The following AFAP1L2 variants were observed in gnomAD, a reference collection of about 807,000 sequenced individuals.
The protein encoded by AFAP1L2 is actin filament-associated protein 1-like 2.
AFAP1L2 carries 46 observed loss-of-function variants against 99.3 expected under a neutral mutation model. That is an observed-to-expected ratio of 0.46 (90% confidence interval 0.37 to 0.59). The LOEUF is 0.59. AFAP1L2 is among the 20% of genes least tolerant of loss of function. AFAP1L2 has a pLI of 0.00. For synonymous variants in AFAP1L2, 397 were observed against 419.1 expected, an observed-to-expected ratio of 0.95 and a Z score of 0.64; for missense variants, 959 against 1,034.9, an observed-to-expected ratio of 0.93 and a Z score of 1.01.
chr10:114,301,116 C>T (rs764122364), intron 13 of AFAP1L2, among the ~76,000 whole-genome samples: 24 of 152,224 alleles, frequency 1.6e-4, no homozygotes, highest in East Asian at 1.9e-4. Context: ...CTAGCCCTGA[C>T]GAGAGGGGTT....
chr10:114,404,479 G>T lies in AFAP1L2; in HGVS notation c.-24C>A, dbSNP rs550265811. ...ATCGGGGCCACGGAGTGCGCTCCTCGCGGCTCGGCTTCTGCGCTGCTCTCC... is the reference window on the plus strand; with the variant it reads ...ATCGGGGCCACGGAGTGCGCTCCTCTCGGCTCGGCTTCTGCGCTGCTCTCC... On this transcript the variant is annotated 5_prime_UTR_variant, in exon 1 of 19. Transcript: ENST00000304129. 3.8e-5 allele frequency: 58 copies of T among 1,535,734 alleles called. No homozygotes were observed. The East Asian group carries it at 4.2e-4, about 11-fold the overall frequency.
At chr10:114,383,841 GT>G (rs2056075261) in intron 1 of AFAP1L2, among the ~76,000 whole-genome samples, 1 of 152,196 alleles carries the variant, frequency 6.6e-6, no homozygotes, top group East Asian at 1.9e-4. Context: ...CTTGGTGGAA[GT>G]GGGGATTGCC....
the AFAP1L2 span, chr10:114,280,780 C>T: frequency 6.6e-6 from 1 of 152,120 alleles, no homozygotes; most frequent in African/African-American, 2.4e-5. Flanking sequence ...TGCTCTGTCA[C>T]CAGGATGGAG....
intron 7 of AFAP1L2, among the ~76,000 whole-genome samples, chr10:114,312,308 G>A (rs1360988790): frequency 6.6e-6 from 1 of 151,340 alleles, no homozygotes; most frequent in Non-Finnish European, 1.5e-5. Flanking sequence ...ATGCATGCAT[G>A]AGCAAAAATG....
intron 2 of AFAP1L2, among the ~76,000 whole-genome samples, chr10:114,337,604 G>A (rs2048171885): frequency 6.6e-6 from 1 of 152,156 alleles, no homozygotes; most frequent in African/African-American, 2.4e-5. Context: ...CCACGGAGAG[G>A]GGAAGGCCTG....
intron 6 of AFAP1L2, among the ~76,000 whole-genome samples, chr10:114,315,199 G>T (rs1340023110): frequency 6.6e-6 from 1 of 152,058 alleles, no homozygotes; most frequent in East Asian, 1.9e-4. Context: ...CCAGAATTGG[G>T]GCTGGGCTGG....
intron 8 of AFAP1L2, among the ~76,000 whole-genome samples, chr10:114,309,989 G>A (rs1220557384): frequency 6.6e-5 from 10 of 152,000 alleles, no homozygotes; most frequent in East Asian, 1.9e-4. Flanking sequence ...GTGCACTGGC[G>A]CTATCTCAGC....
At position 114,313,965 on chromosome 10, in the gene AFAP1L2, C is replaced by A; in HGVS notation, c.698G>T (p.Arg233Leu). The A allele has an allele frequency of 1.2e-6, 2 of 1,614,074 alleles. No homozygotes were observed. The highest frequency in any genetic ancestry group is 1.7e-6 in the Non-Finnish European group (2 of 1,180,018). The change falls in exon 7 of 19, where the codon CGG becomes CTG. Residue 233 changes from arginine to leucine, a missense_variant. Transcript: ENST00000304129. ...SSVIHKEKQV[R>L]KKEHKLKITP... ...GATCTTCAGCTTGTGCTCCTTCTTC[C>A]GCACTTGCTTCTCCTTGTGAATGAC...
At chr10:114,290,277 G>C, downstream of AFAP1L2, 1 of 1,550,550 alleles carries the variant, frequency 6.4e-7, no homozygotes, top group Non-Finnish European at 8.7e-7. Context: ...AACCCAGCCC[G>C]TGCATGAATG....
At chr10:114,381,476 G>T (rs895663018) in intron 1 of AFAP1L2, among the ~76,000 whole-genome samples, 2 of 152,124 alleles carry the variant, frequency 1.3e-5, no homozygotes, top group Non-Finnish European at 2.9e-5. Context: ...CTGTGATGAT[G>T]GTGGCCCATG....
chr10:114,363,235 C>G, intron 1 of AFAP1L2: 1 of 941,908 alleles, frequency 1.1e-6, no homozygotes, highest in Non-Finnish European at 1.3e-6. Flanking sequence ...CAAGTTGCAT[C>G]TCTTGGATGG....
At chr10:114,315,415 T>G in intron 6 of AFAP1L2, 145 bp downstream of exon 6, 1 of 778,948 alleles carries the variant, frequency 1.3e-6, no homozygotes, top group Non-Finnish European at 2.1e-6. Flanking sequence ...TGTATACAAT[T>G]TCAGATTAGG....
intron 7 of AFAP1L2, among the ~76,000 whole-genome samples, chr10:114,311,369 T>C (rs76313352): frequency 0.11 from 16,664 of 152,214 alleles, 2,588 homozygotes; most frequent in African/African-American, 0.35. Context: ...AGTGATTTCA[T>C]AGATCCCCCT....
At chr10:114,354,675 A>C (rs966199134) in intron 1 of AFAP1L2, among the ~76,000 whole-genome samples, 1 of 152,178 alleles carries the variant, frequency 6.6e-6, no homozygotes, top group African/African-American at 2.4e-5. Flanking sequence ...TTGGGATTGC[A>C]AGCCATGAGG....
intron 18 of AFAP1L2, 43 bp downstream of exon 18, chr10:114,296,935 A>G (rs764759080): frequency 6.2e-7 from 1 of 1,613,652 alleles, no homozygotes; most frequent in South Asian, 1.1e-5. Flanking sequence ...TACCTTAGTG[A>G]CATTTCTGCT....
At chr10:114,398,970 C>G in intron 1 of AFAP1L2, 1 of 1,248,390 alleles carries the variant, frequency 8.0e-7, no homozygotes, top group South Asian at 1.3e-5. Context: ...GCTTTCATCT[C>G]CATTTCTGGA....
In AFAP1L2 at chr10:114,297,288, C is replaced by T. The variant is rs777108723; in HGVS notation, c.2239G>A (p.Ala747Thr). The change falls in exon 17 of 19, where the codon GCT (alanine) becomes ACT (threonine). Residue 747 changes from alanine to threonine, a missense_variant. Around this residue, in one of 2 missense-constraint regions of AFAP1L2, gnomAD observed 576 missense variants for 562.1 expected, o/e 1.02. Coordinates refer to ENST00000304129, the MANE Select transcript of AFAP1L2 (RefSeq NM_001001936.3). ...IMEVKDNLKK[A>T]EAGPVTLGTT... ...CCTAACGTCACAGGCCCTGCCTCAG[C>T]CTTCTTCAGGTTGTCCTTCACCTCC... 1.1e-5 allele frequency: 18 copies of T among 1,613,934 alleles called. No homozygotes were observed. The highest frequency in any genetic ancestry group is 1.4e-5 in the Non-Finnish European group (17 of 1,180,030).
intron 1 of AFAP1L2, among the ~76,000 whole-genome samples, chr10:114,394,868 T>A (rs1290554503): frequency 1.3e-5 from 2 of 152,136 alleles, no homozygotes; most frequent in African/African-American, 4.8e-5. Context: ...CTCAAGTACC[T>A]GCCCCTGCTC....
intron 1 of AFAP1L2, among the ~76,000 whole-genome samples, chr10:114,389,480 T>C (rs2137862327): frequency 6.6e-6 from 1 of 152,274 alleles, no homozygotes; most frequent in Admixed American, 6.5e-5. Context: ...GTCCAATCCA[T>C]CAGGTACTAG....
Sources: allele counts gnomAD v4.1 joint callset (sites outside exome capture counted in the v4.1 genomes callset), GRCh38; gene constraint gnomAD v4.1.1; regional missense constraint gnomAD v4.1.1; transcripts MANE v1.5; gene names NCBI Gene and HGNC (gene_info 2026-07-23, HGNC 2026-07-21).